The following POLR3B variants were observed in gnomAD, a reference collection of about 807,000 sequenced individuals.
POLR3B encodes the protein DNA-directed RNA polymerase III subunit RPC2.
In POLR3B, 96 loss-of-function variants were observed where a neutral mutation model predicts 147.4. The observed-to-expected ratio is 0.65, with a 90% CI of 0.55 to 0.77. The LOEUF (loss-of-function observed/expected upper bound fraction) is 0.77. POLR3B is among the 30% of genes least tolerant of loss of function. The pLI is 0.00. For missense variants in POLR3B, 1,036 were observed against 1,413.5 expected, an observed-to-expected ratio of 0.73 and a Z score of 4.28; for synonymous variants, 461 against 485.9, an observed-to-expected ratio of 0.95 and a Z score of 0.67.
chr12:106,395,644 G>A (rs2036968681), intron 10 of POLR3B, among the ~76,000 whole-genome samples: 1 of 152,054 alleles, frequency 6.6e-6, no homozygotes. Flanking sequence ...TAGAACTTTG[G>A]AAGATGTGGC....
intron 1 of POLR3B, among the ~76,000 whole-genome samples, chr12:106,361,142 C>T (rs943136826): frequency 3.9e-5 from 6 of 152,158 alleles, no homozygotes; most frequent in Admixed American, 6.5e-5. Flanking sequence ...CACATGAGGA[C>T]ATGTACACTG....
chr12:106,370,736 G>T (rs1458485447), intron 6 of POLR3B, among the ~76,000 whole-genome samples: 1 of 150,522 alleles, frequency 6.6e-6, no homozygotes, highest in African/African-American at 2.4e-5. Context: ...GGTTCAAGTA[G>T]TTCTCTAGCC....
intron 2 of POLR3B, among the ~76,000 whole-genome samples, chr12:106,365,563 AGGTGCTG>A (rs1565872912): frequency 6.6e-6 from 1 of 152,086 alleles, no homozygotes; most frequent in Non-Finnish European, 1.5e-5. Context: ...ATGGAGAAGA[AGGTGCTG>A]GGTGCTGGGC....
At chr12:106,422,215 G>A (rs1403845096) in intron 12 of POLR3B, among the ~76,000 whole-genome samples, 1 of 152,068 alleles carries the variant, frequency 6.6e-6, no homozygotes, top group Non-Finnish European at 1.5e-5. Context: ...TCCTCCTAGT[G>A]CCATTTTCTT....
chr12:106,408,887 A>G (rs923450843), intron 11 of POLR3B, among the ~76,000 whole-genome samples: 1 of 152,220 alleles, frequency 6.6e-6, no homozygotes, highest in Admixed American at 6.5e-5. Context: ...GCTTTCCAGC[A>G]TATAGTCATT....
chr12:106,506,138 A>G (rs977269169), intron 27 of POLR3B, among the ~76,000 whole-genome samples: 3 of 152,154 alleles, frequency 2.0e-5, no homozygotes, highest in African/African-American at 4.8e-5. Flanking sequence ...TGAGATGTCT[A>G]TTTGTCTTTT....
At position 106,393,112 on chromosome 12, in the gene POLR3B, C is replaced by A. The variant is rs2036933460; in HGVS notation, c.805C>A (p.Leu269Met). ...CGTGATGGCTGCATTTGGGCCCAGT[C>A]TGGAAGAGTGCCAGAAAGCTCAGAT... ...EHVMAAFGPS[L>M]EECQKAQIFT... The change falls in exon 10 of 28, where the codon CTG (leucine) becomes ATG (methionine). Residue 269 changes from leucine to methionine, a missense_variant. By Grantham distance (15) the Leu-to-Met change is conservative (BLOSUM62 2). Coordinates refer to ENST00000228347, the MANE Select transcript of POLR3B (RefSeq NM_018082.6). 1.9e-5 allele frequency: 31 copies of A among 1,614,166 alleles called. No individual in the cohort carries two copies. The highest frequency in any genetic ancestry group is 2.6e-5 in the Non-Finnish European group (31 of 1,180,026).
chr12:106,504,363 C>A lies in POLR3B; in HGVS notation c.3272+109C>A. 1 of 871,250 alleles carries A rather than the reference C, an allele frequency of 1.1e-6. No homozygotes were observed. Among genetic ancestry groups the A allele is most frequent in the Non-Finnish European group, 2.0e-6 (1 of 510,646 alleles). 54.0% of individuals were successfully genotyped at this position (871,250 alleles called of 1,614,324 possible). On this transcript the variant is annotated intron_variant, in intron 27 of 27. Coordinates refer to ENST00000228347, the MANE Select transcript of POLR3B (RefSeq NM_018082.6). The surrounding 1 kb of genome is among the most constrained non-coding windows in gnomAD (Gnocchi z 4.6). ...ATATTCTCCAGCCTCTGTCTGTGAT[C>A]ACTAACATACCCTCCCTCATGCATG... is the stretch of plus-strand genomic sequence containing the variant.
intron 23 of POLR3B, among the ~76,000 whole-genome samples, chr12:106,480,325 T>C (rs1391470695): frequency 1.3e-5 from 2 of 152,224 alleles, no homozygotes; most frequent in Non-Finnish European, 2.9e-5. Context: ...ACTTGTTGAC[T>C]AGTGAATATC....
chr12:106,405,943 G>T lies in POLR3B; in HGVS notation c.933G>T (p.Glu311Asp). The change falls in exon 11 of 28, where the codon GAG (glutamate) becomes GAT (aspartate). Residue 311 changes from glutamate (E) to aspartate (D), a missense_variant. By Grantham distance (45) the Glu-to-Asp change is conservative. Transcript: ENST00000228347. ...AAACCAAAATAGAAGAAGCAAGAGA[G>T]CTCCTGGCTTCCACCATTCTGACCC... Reference protein sequence around the residue: ...PKKTKIEEARELLASTILTHV... With the variant: ...PKKTKIEEARDLLASTILTHV... 6.2e-7 allele frequency: 1 copy of T among 1,613,736 alleles called. No homozygotes were observed. The highest frequency in any genetic ancestry group is 1.1e-5 in the South Asian group (1 of 91,080).
chr12:106,363,097 T>G (rs942848727), intron 1 of POLR3B, among the ~76,000 whole-genome samples: 5 of 152,198 alleles, frequency 3.3e-5, no homozygotes, highest in African/African-American at 1.2e-4. Flanking sequence ...GATTGTTGGA[T>G]TATTCTTGGT....
At chr12:106,477,187 A>AG (rs1218900157) in intron 23 of POLR3B, among the ~76,000 whole-genome samples, 6 of 122,472 alleles carry the variant, frequency 4.9e-5, no homozygotes, top group Non-Finnish European at 1.7e-5. Context: ...CTCGGGGGTC[A>AG]GGGGTCAGGG....
rs1228936055 is a variant in POLR3B, at chr12:106,405,850, T to C, written c.847-7T>C. 1.2e-6 allele frequency: 2 copies of C among 1,612,892 alleles called. No homozygotes were observed. The highest frequency in any genetic ancestry group is 1.7e-6 in the Non-Finnish European group (2 of 1,179,030). ...ATTCAAACATTATTGTAATCTGTTT[T>C]TTATAGGCATTAAAATATATAGGGA... On this transcript the variant is annotated splice_region_variant and splice_polypyrimidine_tract_variant and intron_variant, in intron 10 of 27. Transcript: ENST00000228347.
At chr12:106,496,231 G>C (rs1273235520) in intron 24 of POLR3B, 73 bp downstream of exon 24, 4 of 938,870 alleles carry the variant, frequency 4.3e-6, no homozygotes, top group Middle Eastern at 2.1e-4. Context: ...GTTAGAGTGA[G>C]TGGAGGTGAC....
intron 9 of POLR3B, among the ~76,000 whole-genome samples, chr12:106,381,474 C>A (rs2136903366): frequency 6.6e-6 from 1 of 152,294 alleles, no homozygotes; most frequent in East Asian, 1.9e-4. Context: ...GATTCCATTT[C>A]AAGAAATCAC....
intron 19 of POLR3B, among the ~76,000 whole-genome samples, chr12:106,447,163 A>G (rs2037735258): frequency 6.6e-6 from 1 of 152,228 alleles, no homozygotes; most frequent in African/African-American, 2.4e-5. Context: ...TGGTCCATGT[A>G]TAACGTGCAA....
At chr12:106,493,561 C>T (rs902861035) in intron 23 of POLR3B, among the ~76,000 whole-genome samples, 1 of 152,156 alleles carries the variant, frequency 6.6e-6, no homozygotes, top group African/African-American at 2.4e-5. Context: ...TCATTATGGT[C>T]TCTTTGTGTT....
intron 23 of POLR3B, among the ~76,000 whole-genome samples, chr12:106,477,891 C>CCTTT (rs1565909279): frequency 2.4e-4 from 17 of 70,550 alleles, no homozygotes; most frequent in South Asian, 1.4e-3. Context: ...GGCTCCTCCC[C>CCTTT]TTTTTTTTTT....
At chr12:106,364,790 G>A (rs1039530491) in intron 2 of POLR3B, among the ~76,000 whole-genome samples, 5 of 152,198 alleles carry the variant, frequency 3.3e-5, no homozygotes, top group African/African-American at 9.6e-5. Flanking sequence ...GCAGGTACCC[G>A]CTGCAACATG....
Sources: allele counts gnomAD v4.1 joint callset (sites outside exome capture counted in the v4.1 genomes callset), GRCh38; gene constraint gnomAD v4.1.1; non-coding constraint Gnocchi (gnomAD v3.1); transcripts MANE v1.5; gene names NCBI Gene and HGNC (gene_info 2026-07-23, HGNC 2026-07-21).